Variants in TINAGL1 observed in about 807,000 individuals in gnomAD.
TINAGL1 encodes the protein tubulointerstitial nephritis antigen-like.
Under a neutral mutation model 62.0 loss-of-function variants are expected in TINAGL1, and 34 were observed. The ratio of observed to expected loss-of-function variants is 0.55; its 90% CI spans 0.42 to 0.73. The LOEUF is 0.73. Ranked by LOEUF, TINAGL1 falls within the 30% of genes least tolerant of loss-of-function variation. The pLI is 0.00. For missense variants in TINAGL1, 516 were observed against 653.2 expected (o/e 0.79, Z 2.29); for synonymous variants, 221 against 249.7 (o/e 0.88, Z 1.08).
rs755763529 is a variant in TINAGL1 at position 31,583,597 on chromosome 1, A to G, written c.582+22A>G. 2.6e-5 allele frequency: 41 copies of G among 1,587,980 alleles called. No homozygotes were observed. Among genetic ancestry groups the G allele is most frequent in the East Asian group, 9.1e-5 (4 of 44,064 alleles). ...TTATGTAAGTCCATCCTTCCCCACA[A>G]TGCTGCCATCTCCCCATGGCTCAGA... On this transcript the variant is annotated intron_variant, in intron 5 of 11. Transcript: ENST00000271064. This position sits in a 1 kb window ranked among gnomAD's most constrained non-coding sequence, Gnocchi z 4.4.
intron 3 of TINAGL1, among the ~76,000 whole-genome samples, chr1:31,581,792 G>T (rs1639251493): frequency 6.6e-6 from 1 of 152,186 alleles, no homozygotes; most frequent in South Asian, 2.1e-4. Flanking sequence ...ATAGACAAGG[G>T]CATTGAGAGA....
In TINAGL1 at chr1:31,583,695, C is replaced by T. The variant is rs186069505; in HGVS notation, c.582+120C>T. 5 of 849,270 alleles carry T rather than the reference C, an allele frequency of 5.9e-6. No individual in the cohort carries two copies. Among genetic ancestry groups the T allele is most frequent in the Non-Finnish European group, 1.9e-6 (1 of 538,552 alleles). 52.6% of individuals were successfully genotyped at this position (849,270 alleles called of 1,614,324 possible). Reference sequence around the variant, plus strand: ...CATCCCCTACTACAAGGCTGTGTGTCCCTGGACAAGTTACTCCCCTTCTCT... The same window carrying T: ...CATCCCCTACTACAAGGCTGTGTGTTCCTGGACAAGTTACTCCCCTTCTCT... On this transcript the variant is annotated intron_variant, in intron 5 of 11. Transcript: ENST00000271064. The surrounding 1 kb of genome is among the most constrained non-coding windows in gnomAD (Gnocchi z 4.4).
At position 31,584,919 on chromosome 1, in the gene TINAGL1, T is replaced by C. The variant is rs1639345412; in HGVS notation, c.740T>C (p.Leu247Pro). ...VASDRVSIHS[L>P]GHMTPVLSPQ... ...TCCGATCGTGTCTCAATCCATTCTC[T>C]GGGACACATGACGCCTGTCCTGTCG... The change falls in exon 7 of 12, where the codon CTG becomes CCG. Residue 247 changes from leucine (L) to proline (P), a missense_variant. Physicochemically the swap from Leu to Pro is moderately conservative, Grantham distance 98. Coordinates refer to ENST00000271064, the MANE Select transcript of TINAGL1 (RefSeq NM_022164.3). This position sits in a 1 kb window ranked among gnomAD's most constrained non-coding sequence, Gnocchi z 4.0. 2 of 1,610,190 alleles carry C rather than the reference T, an allele frequency of 1.2e-6. No individual in the cohort carries two copies. Among genetic ancestry groups the C allele is most frequent in the Middle Eastern group, 1.7e-4 (1 of 6,052 alleles).
At chr1:31,580,709 G>A (rs1639222235) in intron 3 of TINAGL1, 2 of 1,271,124 alleles carry the variant, frequency 1.6e-6, no homozygotes, top group Admixed American at 4.8e-5. Flanking sequence ...CAAGGAGGCA[G>A]TTCAGCATCT....
chr1:31,577,091 G>T lies in TINAGL1; in HGVS notation c.-15-43G>T. ...CAGGAAACTGGGAGACTCATCCCTGGTGTTCCAGGGAGTCTCTGCTGCCCA... is the reference window on the plus strand; with the variant it reads ...CAGGAAACTGGGAGACTCATCCCTGTTGTTCCAGGGAGTCTCTGCTGCCCA... On this transcript the variant is annotated intron_variant, in intron 1 of 11. Coordinates refer to ENST00000271064, the MANE Select transcript of TINAGL1 (RefSeq NM_022164.3). The surrounding 1 kb of genome is among the most constrained non-coding windows in gnomAD (Gnocchi z 5.4). 1 of 1,410,932 alleles carries T rather than the reference G, an allele frequency of 7.1e-7. No individual in the cohort carries two copies. The highest frequency in any genetic ancestry group is 1.5e-5 in the South Asian group (1 of 67,304). 87.4% of individuals were successfully genotyped at this position (1,410,932 alleles called of 1,614,324 possible).
intron 3 of TINAGL1, chr1:31,580,587 C>T: frequency 7.8e-7 from 1 of 1,289,272 alleles, no homozygotes; most frequent in Non-Finnish European, 1.0e-6. Context: ...CTGGCCCTCC[C>T]CAGCAGTGCC....
chr1:31,581,031 A>C (rs925599820), intron 3 of TINAGL1, among the ~76,000 whole-genome samples: 3 of 152,178 alleles, frequency 2.0e-5, no homozygotes, highest in African/African-American at 4.8e-5. Flanking sequence ...TTATGCTGAG[A>C]CCAGGGAGAA....
At chr1:31,580,047 C>T (rs767317676) in intron 3 of TINAGL1, among the ~76,000 whole-genome samples, 1 of 148,076 alleles carries the variant, frequency 6.8e-6, no homozygotes, top group African/African-American at 2.5e-5. Context: ...GGGTGTTCAG[C>T]GTGACTGTGT....
intron 3 of TINAGL1, among the ~76,000 whole-genome samples, 195 bp downstream of exon 3, chr1:31,579,462 C>T (rs1639144037): frequency 6.6e-6 from 1 of 152,262 alleles, no homozygotes; most frequent in Non-Finnish European, 1.5e-5. Flanking sequence ...CAACATTCCT[C>T]AAGCATGGCC....
intron 3 of TINAGL1, among the ~76,000 whole-genome samples, chr1:31,582,691 T>A (rs1427096915): frequency 3.3e-5 from 5 of 151,932 alleles, no homozygotes; most frequent in African/African-American, 9.7e-5. Context: ...CAGGAGAGAA[T>A]GAGAGTGGTT....
At position 31,586,734 on chromosome 1, in the gene TINAGL1, T is replaced by C. The variant is rs142423621; in HGVS notation, c.1242T>C (p.Asp414=). Reference sequence around the variant, plus strand: ...GATGGGGAGAGGAGACGCTGCCAGATGGAAGGACGCTCAAATACTGGGTGA... The same window carrying C: ...GATGGGGAGAGGAGACGCTGCCAGACGGAAGGACGCTCAAATACTGGGTGA... The part of the protein sequence containing the change: ...ITGWGEETLP[D]GRTLKYWTAA... Residue 414 remains aspartate, a synonymous_variant, in exon 11 of 12, where the codon GAT becomes GAC. Transcript: ENST00000271064. 1.7e-5 allele frequency: 27 copies of C among 1,556,326 alleles called. No homozygotes were observed. Among genetic ancestry groups the C allele is most frequent in the Non-Finnish European group, 2.3e-5 (26 of 1,149,590 alleles).
chr1:31,583,851 C>G lies in TINAGL1; in HGVS notation c.582+276C>G, dbSNP rs1570214241. ...GGGAAAAATGCTGTTGGTCTCAGTA[C>G]AGCTGGGTTAGGGCCCAAGGGGACA... On this transcript the variant is annotated intron_variant, in intron 5 of 11. Coordinates refer to ENST00000271064, the MANE Select transcript of TINAGL1 (RefSeq NM_022164.3). The surrounding 1 kb of genome is among the most constrained non-coding windows in gnomAD (Gnocchi z 4.4). 9.2e-6 allele frequency: 4 copies of G among 436,542 alleles called. No individual in the cohort carries two copies. The South Asian group carries it at 1.2e-4, about 13-fold the overall frequency. The allele number at this position is 436,542 out of a possible 1,614,324, so 27.0% of individuals were successfully genotyped here.
chr1:31,580,655 C>A, intron 3 of TINAGL1: 1 of 1,289,066 alleles, frequency 7.8e-7, no homozygotes, highest in Non-Finnish European at 1.0e-6. Context: ...CCCCTTGAGG[C>A]TCCTTAAAAG....
Position 31,579,235 on chromosome 1 carries a change from C to G in TINAGL1, c.342C>G (p.Val114=), listed in dbSNP as rs139742782. The part of the protein sequence containing the change: ...GCMHGGRIYP[V]LGTYWDNCNR... ...TGCATGGAGGTCGTATCTATCCAGT[C>G]TTGGGAACGTACTGGGACAACTGTA... The change falls in exon 3 of 12, where the codon GTC becomes GTG. Residue 114 remains valine, a synonymous_variant. Coordinates refer to ENST00000271064, the MANE Select transcript of TINAGL1 (RefSeq NM_022164.3). 241 of 1,614,116 alleles carry G rather than the reference C, an allele frequency of 1.5e-4. No homozygotes were observed. The East Asian group carries it at 4.7e-3, about 31-fold the overall frequency.
rs2148592930 is a variant in TINAGL1, at chr1:31,583,316, G to A, written c.467+75G>A. ...ATGTATACACGCATGCTGTGCTGTG[G>A]GGCACGTCCAGCAGGCCACTCCTAC... On this transcript the variant is annotated intron_variant, in intron 4 of 11. Transcript: ENST00000271064. This position sits in a 1 kb window ranked among gnomAD's most constrained non-coding sequence, Gnocchi z 4.4. The A allele has an allele frequency of 6.5e-7, 1 of 1,541,720 alleles. No individual in the cohort carries two copies. The highest frequency in any genetic ancestry group is 2.3e-5 in the East Asian group (1 of 44,310).
chr1:31,580,215 C>T, intron 3 of TINAGL1: 2 of 661,274 alleles, frequency 3.0e-6, no homozygotes, highest in South Asian at 3.0e-5. Flanking sequence ...CTCTCTCTGT[C>T]TCTCTCTCTC....
chr1:31,580,909 C>A (rs959363374), intron 3 of TINAGL1: 6 of 495,102 alleles, frequency 1.2e-5, no homozygotes, highest in Middle Eastern at 1.0e-3. Flanking sequence ...GGGAAGACAA[C>A]AAATGAGTAT....
rs1231449486 is a variant in TINAGL1, at chr1:31,584,296, C to G, written c.583-382C>G. Reference sequence around the variant, plus strand: ...CGGGACCCTACTGCCTCTTCCCTCCCCTGAGGGAAAGCTAAGGCCTGAAGA... The same window carrying G: ...CGGGACCCTACTGCCTCTTCCCTCCGCTGAGGGAAAGCTAAGGCCTGAAGA... On this transcript the variant is annotated intron_variant, in intron 5 of 11. Coordinates refer to ENST00000271064, the MANE Select transcript of TINAGL1 (RefSeq NM_022164.3). This position sits in a 1 kb window ranked among gnomAD's most constrained non-coding sequence, Gnocchi z 4.0. The G allele has an allele frequency of 4.7e-6, 1 of 213,282 alleles. No homozygotes were observed. The highest frequency in any genetic ancestry group is 2.3e-5 in the African/African-American group (1 of 44,220). The allele number at this position is 213,282 out of a possible 1,614,324, so 13.2% of individuals were successfully genotyped here. A position where few individuals can be genotyped will look rare whatever the true frequency, so the allele number is the denominator to read the frequency against.
Position 31,585,408 on chromosome 1 carries a change from C to A in TINAGL1, c.1048-32C>A, listed in dbSNP as rs762620583. 1.2e-6 allele frequency: 2 copies of A among 1,612,776 alleles called. No homozygotes were observed. Among genetic ancestry groups the A allele is most frequent in the Non-Finnish European group, 1.7e-6 (2 of 1,179,400 alleles). ...TGAAAGCCTGGAGTCTCACCCCTGA[C>A]GTATGCTCTCTGTCCATCCCCTGCC... On this transcript the variant is annotated intron_variant, in intron 8 of 11. Transcript: ENST00000271064. This position sits in a 1 kb window ranked among gnomAD's most constrained non-coding sequence, Gnocchi z 4.3.
Sources: allele counts gnomAD v4.1 joint callset (sites outside exome capture counted in the v4.1 genomes callset), GRCh38; gene constraint gnomAD v4.1.1; non-coding constraint Gnocchi (gnomAD v3.1); transcripts MANE v1.5; gene names NCBI Gene and HGNC (gene_info 2026-07-23, HGNC 2026-07-21).